CRCT1: variants seen among roughly 807,000 people sequenced by gnomAD.
CRCT1 encodes cysteine rich C-terminal 1, also known as cysteine-rich C-terminal protein 1.
For missense variants in CRCT1, 160 were observed against 136.3 expected (o/e 1.17, Z -0.87); for synonymous variants, 86 against 60.3 (o/e 1.43, Z -1.98).
rs779494210 is a variant in CRCT1 at position 152,515,471 on chromosome 1, A to G, written c.88A>G (p.Thr30Ala). The G allele has an allele frequency of 6.3e-7, 1 of 1,597,570 alleles. No individual in the cohort carries two copies. The highest frequency in any genetic ancestry group is 8.5e-7 in the Non-Finnish European group (1 of 1,175,148). Reference sequence around the variant, plus strand: ...CGCTCCGTGTCCCGCCCCGGCGCCCACCCCGGCGCCCGCCTCCTCCTCCTC... The same window carrying G: ...CGCTCCGTGTCCCGCCCCGGCGCCCGCCCCGGCGCCCGCCTCCTCCTCCTC... ...GPAPCPAPAPTPAPASSSSCC... is the reference protein window; with the variant it reads ...GPAPCPAPAPAPAPASSSSCC... The change falls in exon 2 of 2, where the codon ACC (threonine) becomes GCC (alanine). Residue 30 changes from threonine to alanine, a missense_variant. Thr to Ala is a moderately conservative substitution (Grantham distance 58, BLOSUM62 0). Transcript: ENST00000368790.
At position 152,515,921 on chromosome 1, in the gene CRCT1, G is replaced by T. The variant is rs914070401; in HGVS notation, c.*238G>T. On this transcript the variant is annotated 3_prime_UTR_variant, in exon 2 of 2. Coordinates refer to ENST00000368790, the MANE Select transcript of CRCT1 (RefSeq NM_019060.3). ...GGACACTGGACCCTACTGTCTACAC[G>T]GGCTTGCACACAGCAGGTGCTCAGC... is the stretch of plus-strand genomic sequence containing the variant. The T allele has an allele frequency of 1.5e-5, 8 of 520,054 alleles. No homozygotes were observed. Among genetic ancestry groups the T allele is most frequent in the Non-Finnish European group, 2.6e-5 (8 of 311,162 alleles). The allele number at this position is 520,054 out of a possible 1,614,324, so 32.2% of individuals were successfully genotyped here. A position where few individuals can be genotyped will look rare whatever the true frequency, so the allele number is the denominator to read the frequency against.
Sources: gnomAD v4.1 joint callset for allele counts on GRCh38, gnomAD v4.1.1 for gene constraint, MANE v1.5 for transcripts, NCBI Gene and HGNC (gene_info 2026-07-23, HGNC 2026-07-21) for gene names.